The following SMARCA4 variants were observed in gnomAD, a reference collection of about 807,000 sequenced individuals.
SMARCA4 encodes SWI/SNF-related matrix-associated actin-dependent regulator of chromatin subfamily A member 4.
Under a neutral mutation model 193.9 loss-of-function variants are expected in SMARCA4, and 31 were observed. That is an observed-to-expected ratio of 0.16 (90% CI 0.12 to 0.22). The LOEUF (loss-of-function observed/expected upper bound fraction) is 0.22. Among genes scored for constraint, SMARCA4 ranks in the 10% least tolerant of loss-of-function variants. SMARCA4 has a pLI of 1.00. For synonymous variants in SMARCA4, 942 were observed against 933.1 expected, an observed-to-expected ratio of 1.01 and a Z score of -0.17; for missense variants, 1,148 against 2,296.0, an observed-to-expected ratio of 0.50 and a Z score of 10.22.
chr19:11,007,041 A>G (rs1242950970), intron 13 of SMARCA4, among the ~76,000 whole-genome samples: 1 of 152,086 alleles, frequency 6.6e-6, no homozygotes, highest in East Asian at 1.9e-4. Context: ...GAGCTGAGAT[A>G]GCACCACTGC....
intron 1 of SMARCA4, among the ~76,000 whole-genome samples, chr19:10,968,641 C>T (rs1236021340): frequency 6.6e-6 from 1 of 152,138 alleles, no homozygotes; most frequent in Non-Finnish European, 1.5e-5. Flanking sequence ...ATCCACTGTG[C>T]TAGCTCTTGG....
chr19:10,971,066 C>T (rs781282424), intron 1 of SMARCA4, among the ~76,000 whole-genome samples: 5 of 152,084 alleles, frequency 3.3e-5, no homozygotes, highest in Non-Finnish European at 7.4e-5. Context: ...CGTGGTGGCG[C>T]GTGCCTGTAA....
rs950551408 is a variant in SMARCA4, at chr19:11,030,658, AGGTGTTCCTT to A, written c.3383-66_3383-57del. ...TGATCCTGCTCCTGCTCTCAGAAGC[AGGTGTTCCTT>A]GGTGTCCCCACTCTACCCCTGAGGT... On this transcript the variant is annotated intron_variant, in intron 24 of 34. Transcript: ENST00000344626. The surrounding 1 kb of genome is among the most constrained non-coding windows in gnomAD (Gnocchi z 5.5). 9.9e-5 allele frequency: 137 copies of A among 1,380,682 alleles called. No individual in the cohort carries two copies. The highest frequency in any genetic ancestry group is 1.3e-4 in the Non-Finnish European group (128 of 991,994). The allele number at this position is 1,380,682 out of a possible 1,614,324, so 85.5% of individuals were successfully genotyped here. A position where few individuals can be genotyped will look rare whatever the true frequency, so the allele number is the denominator to read the frequency against.
chr19:11,029,176 G>A (rs2090467075), intron 24 of SMARCA4, among the ~76,000 whole-genome samples: 1 of 152,148 alleles, frequency 6.6e-6, no homozygotes, highest in Non-Finnish European at 1.5e-5. Context: ...AAATCCTTCA[G>A]GGTCCTCATG....
intron 1 of SMARCA4, chr19:10,961,629 G>A (rs1234523758): frequency 6.6e-6 from 1 of 152,230 alleles, no homozygotes; most frequent in Non-Finnish European, 1.5e-5. Flanking sequence ...CAAACCTCCA[G>A]ATATGTCCGG....
At chr19:10,964,484 T>G (rs2084055103) in intron 1 of SMARCA4, among the ~76,000 whole-genome samples, 1 of 152,014 alleles carries the variant, frequency 6.6e-6, no homozygotes. Flanking sequence ...CTAAGTTTTG[T>G]ATTTTTAGTA....
chr19:10,988,740 G>C (rs542888435), intron 6 of SMARCA4, among the ~76,000 whole-genome samples: 3 of 152,146 alleles, frequency 2.0e-5, no homozygotes, highest in East Asian at 1.9e-4. Context: ...TTTATGGCCT[G>C]TGTTTTCTAA....
chr19:11,044,827 A>C (rs1336300970), intron 30 of SMARCA4, among the ~76,000 whole-genome samples: 1 of 152,220 alleles, frequency 6.6e-6, no homozygotes, highest in African/African-American at 2.4e-5. Flanking sequence ...AGCTGAGTGC[A>C]TCTGTCCACA....
At chr19:10,992,021 C>T (rs1364621670) in intron 8 of SMARCA4, among the ~76,000 whole-genome samples, 1 of 151,824 alleles carries the variant, frequency 6.6e-6, no homozygotes, top group Non-Finnish European at 1.5e-5. Flanking sequence ...CTGATTTGGT[C>T]ATTTATAGAT....
At chr19:10,995,434 G>C (rs1330816263) in intron 9 of SMARCA4, 1 of 460,578 alleles carries the variant, frequency 2.2e-6, no homozygotes, top group Admixed American at 2.3e-5. Flanking sequence ...CTTTGTGGGG[G>C]CTCCTGGTTG....
chr19:10,968,084 C>T (rs937868009), intron 1 of SMARCA4, among the ~76,000 whole-genome samples: 1 of 151,936 alleles, frequency 6.6e-6, no homozygotes, highest in Non-Finnish European at 1.5e-5. Context: ...ATCTCCTGAC[C>T]TCATGATCCG....
chr19:11,008,034 C>T lies in SMARCA4; in HGVS notation c.2123+11C>T. ...GCGGCACATCATTGAGTAAGGGGTC[C>T]CGACACAGGTTGTTCTGTGCCAGCT... On this transcript the variant is annotated intron_variant, in intron 14 of 34. Coordinates refer to ENST00000344626, the MANE Select transcript of SMARCA4 (RefSeq NM_003072.5). 6.2e-7 allele frequency: 1 copy of T among 1,611,702 alleles called. No individual in the cohort carries two copies. The highest frequency in any genetic ancestry group is 2.2e-5 in the East Asian group (1 of 44,796).
At chr19:10,992,481 A>G (rs1459188044) in intron 8 of SMARCA4, among the ~76,000 whole-genome samples, 1 of 142,864 alleles carries the variant, frequency 7.0e-6, no homozygotes, top group African/African-American at 2.6e-5. Context: ...CTGGAGTGCA[A>G]TGGCACGATC....
At chr19:10,974,256 C>T (rs1312009680) in intron 1 of SMARCA4, among the ~76,000 whole-genome samples, 1 of 152,042 alleles carries the variant, frequency 6.6e-6, no homozygotes, top group Non-Finnish European at 1.5e-5. Flanking sequence ...GAGACCAGAC[C>T]TCTTCTCTTC....
Position 11,026,248 on chromosome 19 carries a change from G to C in SMARCA4, c.3169-52G>C, listed in dbSNP as rs2090247189. On this transcript the variant is annotated intron_variant, in intron 22 of 34. Transcript: ENST00000344626. The stretch of plus-strand genomic sequence containing the variant: ...AGCGGTGTGTGCGGACCGCAGCGGG[G>C]CCCGGTGGCCTGCTCCTGCCTGTCA... 3.4e-6 allele frequency: 5 copies of C among 1,467,908 alleles called. No individual in the cohort carries two copies. The Admixed American group carries it at 6.7e-5, about 20-fold the overall frequency. The allele number at this position is 1,467,908 out of a possible 1,614,324, so 90.9% of individuals were successfully genotyped here.
In SMARCA4 at chr19:11,053,451, C is replaced by CAAAA. The variant is rs34525605; in HGVS notation, c.4425-4790_4425-4787dup. ...TGGGTGACAGAGTGAGACTCCGTCTCAAAAAAAAAAAAAAAAAGAAAGAAA... is the reference window on the plus strand; with the variant it reads ...TGGGTGACAGAGTGAGACTCCGTCTCAAAAAAAAAAAAAAAAAAAAAGAAAGAAA... On this transcript the variant is annotated intron_variant, in intron 30 of 34. Coordinates refer to ENST00000344626, the MANE Select transcript of SMARCA4 (RefSeq NM_003072.5). 1.4e-3 allele frequency among the ~76,000 whole-genome samples: 92 copies of CAAAA among 64,730 alleles called. 2 individuals carry two copies. The highest frequency in any genetic ancestry group is 5.0e-3 in the African/African-American group (85 of 16,946). 42.5% of individuals were successfully genotyped at this position (64,730 alleles called of 152,430 possible). A position where few individuals can be genotyped will look rare whatever the true frequency, so the allele number is the denominator to read the frequency against.
Position 11,041,192 on chromosome 19 carries a change from G to A in SMARCA4, c.4171-115G>A. 2 of 1,100,776 alleles carry A rather than the reference G, an allele frequency of 1.8e-6. No homozygotes were observed. The highest frequency in any genetic ancestry group is 2.6e-6 in the Non-Finnish European group (2 of 762,400). The allele number at this position is 1,100,776 out of a possible 1,614,324, so 68.2% of individuals were successfully genotyped here. A position where few individuals can be genotyped will look rare whatever the true frequency, so the allele number is the denominator to read the frequency against. Reference sequence around the variant, plus strand: ...CCCCGAGCCAGTCAAGCTGAAGGGAGAGCGGGTGCGGGGGCCCTCCTCCGT... The same window carrying A: ...CCCCGAGCCAGTCAAGCTGAAGGGAAAGCGGGTGCGGGGGCCCTCCTCCGT... On this transcript the variant is annotated intron_variant, in intron 29 of 34. Transcript: ENST00000344626. The surrounding 1 kb of genome is among the most constrained non-coding windows in gnomAD (Gnocchi z 5.6).
Position 11,034,596 on chromosome 19 carries a change from C to T in SMARCA4, c.3952-318C>T, listed in dbSNP as rs1418672910. On this transcript the variant is annotated intron_variant, in intron 28 of 34. Coordinates refer to ENST00000344626, the MANE Select transcript of SMARCA4 (RefSeq NM_003072.5). This position sits in a 1 kb window ranked among gnomAD's most constrained non-coding sequence, Gnocchi z 7.0. ...GGAAATAAGCCACCCAAGCAGGGGC[C>T]CCTTGGCCCGCAGGCCTCATGCCTC... is the stretch of plus-strand genomic sequence containing the variant. Among the ~76,000 whole-genome samples the T allele has an allele frequency of 6.6e-6, 1 of 152,140 alleles. No individual in the cohort carries two copies. Among genetic ancestry groups the T allele is most frequent in the South Asian group, 2.1e-4 (1 of 4,826 alleles).
At position 11,035,181 on chromosome 19, in the gene SMARCA4, G is replaced by A. The variant is rs756422606; in HGVS notation, c.4170+49G>A. ...GCTGCCGCAGGCCAGCGCCAGGCAG[G>A]GCTGGGGAGACAAAGGGCCCACCGC... On this transcript the variant is annotated intron_variant, in intron 29 of 34. Transcript: ENST00000344626. 7.1e-6 allele frequency: 11 copies of A among 1,548,270 alleles called. 1 individual carries two copies. The South Asian group carries it at 1.2e-4, about 16-fold the overall frequency.
Sources: allele counts gnomAD v4.1 joint callset (sites outside exome capture counted in the v4.1 genomes callset), GRCh38; gene constraint gnomAD v4.1.1; non-coding constraint Gnocchi (gnomAD v3.1); transcripts MANE v1.5; gene names NCBI Gene and HGNC (gene_info 2026-07-23, HGNC 2026-07-21).